SCUBE1: variants seen among roughly 807,000 people sequenced by gnomAD.
SCUBE1 encodes the protein signal peptide, CUB and EGF-like domain-containing protein 1.
SCUBE1 carries 59 observed loss-of-function variants against 124.4 expected under a neutral mutation model. That is an observed-to-expected ratio of 0.47 (90% CI 0.38 to 0.59). The LOEUF is 0.59. Ranked by LOEUF, SCUBE1 falls within the 20% of genes least tolerant of loss-of-function variation. SCUBE1 has a pLI of 0.00. For synonymous variants in SCUBE1, 545 were observed against 550.9 expected, an observed-to-expected ratio of 0.99 and a Z score of 0.15; for missense variants, 1,150 against 1,371.2, an observed-to-expected ratio of 0.84 and a Z score of 2.55.
intron 4 of SCUBE1, among the ~76,000 whole-genome samples, chr22:43,290,701 G>A (rs1925324946): frequency 6.6e-6 from 1 of 152,210 alleles, no homozygotes; most frequent in Admixed American, 6.5e-5. Context: ...ATAGCCTCAA[G>A]CCCCCTTTGG....
At chr22:43,270,469 C>G (rs756263500) in intron 4 of SCUBE1, 13 of 152,238 alleles carry the variant, frequency 8.5e-5, no homozygotes, top group Non-Finnish European at 1.3e-4. Flanking sequence ...CACACTGTCT[C>G]GCCAAGGCCG....
At position 43,269,758 on chromosome 22, in the gene SCUBE1, G is replaced by T. The variant is rs552125438; in HGVS notation, c.485-6913C>A. 1.4e-3 allele frequency among the ~76,000 whole-genome samples: 218 copies of T among 152,234 alleles called. 1 individual carries two copies. Among genetic ancestry groups the T allele is most frequent in the African/African-American group, 5.0e-3 (208 of 41,522 alleles). ...GGAGGCGGCTGCCTTCCCCAACCCC[G>T]ACTCCGCAAGCTGTCCAAGCCATGC... On this transcript the variant is annotated intron_variant, in intron 4 of 21. Transcript: ENST00000360835.
chr22:43,212,686 G>T, intron 16 of SCUBE1, 94 bp from the exon 17 acceptor site: 4 of 1,343,060 alleles, frequency 3.0e-6, no homozygotes, highest in Non-Finnish European at 4.0e-6. Flanking sequence ...CCCTTGCCCG[G>T]CCCTGGAAAA....
rs538006183 is a variant in SCUBE1, at chr22:43,233,026, A to G, written c.845-1151T>C. On this transcript the variant is annotated intron_variant, in intron 7 of 21. Transcript: ENST00000360835. ...CAGACTCTCTCCAGCAGTGAGTAAC[A>G]AAAATAAGAGGTTTTATTTCTACAC... Among the ~76,000 whole-genome samples the G allele has an allele frequency of 6.6e-5, 10 of 152,332 alleles. No homozygotes were observed. In the East Asian group the frequency reaches 1.7e-3, roughly 26 times the overall value.
At chr22:43,342,862 C>G (rs924241250) in intron 1 of SCUBE1, among the ~76,000 whole-genome samples, 4 of 151,786 alleles carry the variant, frequency 2.6e-5, no homozygotes, top group Admixed American at 6.6e-5. Flanking sequence ...GGGTCCCGCC[C>G]CGCCCAGGTC....
rs949108403 is a variant in SCUBE1, at chr22:43,266,930, G to A, written c.485-4085C>T. 4.6e-5 allele frequency among the ~76,000 whole-genome samples: 7 copies of A among 152,294 alleles called. 1 individual carries two copies. The highest frequency in any genetic ancestry group is 3.4e-3 in the Middle Eastern group (1 of 294). On this transcript the variant is annotated intron_variant, in intron 4 of 21. Coordinates refer to ENST00000360835, the MANE Select transcript of SCUBE1 (RefSeq NM_173050.5). Reference sequence around the variant, plus strand: ...TGTTACTGGCAGGCCCTGAGTGTGAGGACAAAGCCTCCGCTCCCCTGCAGC... The same window carrying A: ...TGTTACTGGCAGGCCCTGAGTGTGAAGACAAAGCCTCCGCTCCCCTGCAGC...
chr22:43,280,577 C>CCCCCTGCAGACATCCTCCTGCTACCTTT, intron 4 of SCUBE1, among the ~76,000 whole-genome samples: 1 of 150,558 alleles, frequency 6.6e-6, no homozygotes, highest in Non-Finnish European at 1.5e-5. Flanking sequence ...GCTGTCCCTT[C>CCCCCTGCAGACATCCTCCTGCTACCTTT]CCCCTGCAGA....
At chr22:43,331,973 T>C (rs940392350) in intron 2 of SCUBE1, among the ~76,000 whole-genome samples, 1 of 151,944 alleles carries the variant, frequency 6.6e-6, no homozygotes, top group African/African-American at 2.4e-5. Context: ...AAAAAGACAG[T>C]GAGGCTGGGT....
chr22:43,316,654 A>C (rs1445378148), intron 3 of SCUBE1, among the ~76,000 whole-genome samples: 1 of 152,126 alleles, frequency 6.6e-6, no homozygotes, highest in East Asian at 1.9e-4. Flanking sequence ...CTGCAGGTCT[A>C]TGTAGGCTCT....
chr22:43,302,439 A>C (rs962604967), intron 3 of SCUBE1, among the ~76,000 whole-genome samples: 14 of 152,184 alleles, frequency 9.2e-5, no homozygotes, highest in African/African-American at 3.4e-4. Flanking sequence ...ACTTTGCTAG[A>C]CCACCTATGG....
rs563445192 is a variant in SCUBE1, at chr22:43,229,672, C to G, written c.968-484G>C. Among the ~76,000 whole-genome samples the G allele has an allele frequency of 2.6e-5, 4 of 152,204 alleles. No homozygotes were observed. The East Asian group carries it at 5.8e-4, about 22-fold the overall frequency. ...TGTTTCTTGAGAAAATAAGGAAAACCACACAGGTAAAAAGAGAAGAGGAAA... is the reference window on the plus strand; with the variant it reads ...TGTTTCTTGAGAAAATAAGGAAAACGACACAGGTAAAAAGAGAAGAGGAAA... On this transcript the variant is annotated intron_variant, in intron 8 of 21. Coordinates refer to ENST00000360835, the MANE Select transcript of SCUBE1 (RefSeq NM_173050.5).
intron 4 of SCUBE1, among the ~76,000 whole-genome samples, chr22:43,277,692 C>T (rs545383216): frequency 6.6e-6 from 1 of 152,356 alleles, no homozygotes; most frequent in East Asian, 1.9e-4. Flanking sequence ...TTCTCAGGAT[C>T]TGATGACTCG....
In SCUBE1 at chr22:43,201,434, G is replaced by C. The variant is rs560927379; in HGVS notation, c.*2563C>G. 1 of 152,118 alleles carries C rather than the reference G, an allele frequency of 6.6e-6. No homozygotes were observed. The highest frequency in any genetic ancestry group is 1.5e-5 in the Non-Finnish European group (1 of 68,056). 9.4% of individuals were successfully genotyped at this position (152,118 alleles called of 1,614,324 possible). On this transcript the variant is annotated 3_prime_UTR_variant, in exon 22 of 22. Coordinates refer to ENST00000360835, the MANE Select transcript of SCUBE1 (RefSeq NM_173050.5). The stretch of plus-strand genomic sequence containing the variant: ...TCTTGGTTGGGTGAACGGATACCCA[G>C]CTAGCTGGGAAAACATGCTAGGGTG...
intron 4 of SCUBE1, among the ~76,000 whole-genome samples, chr22:43,269,598 C>T (rs1194480579): frequency 6.6e-6 from 1 of 152,090 alleles, no homozygotes; most frequent in African/African-American, 2.4e-5. Flanking sequence ...AACGGCAGAG[C>T]AGGGAGAAAA....
intron 4 of SCUBE1, among the ~76,000 whole-genome samples, chr22:43,265,698 A>G (rs115455539): frequency 0.014 from 2,183 of 152,324 alleles, 54 homozygotes; most frequent in African/African-American, 0.05. Context: ...AAGGAGCCCA[A>G]ATCGCTCTGA....
At chr22:43,310,987 T>C (rs4435552) in intron 3 of SCUBE1, among the ~76,000 whole-genome samples, 69,585 of 151,886 alleles carry the variant, frequency 0.46, 16,207 homozygotes, top group Non-Finnish European at 0.49. Context: ...CTATGTTGCC[T>C]AGACTGGTGT....
At chr22:43,267,794 G>A (rs1017122152) in intron 4 of SCUBE1, among the ~76,000 whole-genome samples, 2 of 152,222 alleles carry the variant, frequency 1.3e-5, no homozygotes, top group African/African-American at 4.8e-5. Flanking sequence ...CCCTCTCCCA[G>A]AGGGGCCATC....
intron 2 of SCUBE1, among the ~76,000 whole-genome samples, chr22:43,334,340 C>A (rs1244701597): frequency 7.2e-5 from 11 of 152,196 alleles, no homozygotes; most frequent in Admixed American, 7.2e-4. Flanking sequence ...TGACTGTTCA[C>A]CTCTGTGGGG....
chr22:43,229,088 C>T lies in SCUBE1; in HGVS notation c.1068G>A (p.Gly356=), dbSNP rs771979654. 3.1e-6 allele frequency: 5 copies of T among 1,612,878 alleles called. No individual in the cohort carries two copies. In the Admixed American group the frequency reaches 5.0e-5, roughly 16 times the overall value. Reference sequence around the variant, plus strand: ...GCTGCAGACCTCCGCAGTGGGTTGTCCCGTAGAGGATGTAGCCGCGGTGAC... The same window carrying T: ...GCTGCAGACCTCCGCAGTGGGTTGTTCCGTAGAGGATGTAGCCGCGGTGAC... ...CLCHRGYILY[G]TTHCGDVDEC... The change falls in exon 9 of 22, where the codon GGG becomes GGA. Residue 356 remains glycine (G), a synonymous_variant. Coordinates refer to ENST00000360835, the MANE Select transcript of SCUBE1 (RefSeq NM_173050.5).
Sources: gnomAD v4.1 joint callset for allele counts (sites outside exome capture counted in the v4.1 genomes callset) on GRCh38, gnomAD v4.1.1 for gene constraint, MANE v1.5 for transcripts, NCBI Gene and HGNC (gene_info 2026-07-23, HGNC 2026-07-21) for gene names.